Variants in POLQ observed in about 807,000 individuals in gnomAD.
POLQ encodes epididymis secretory sperm binding protein.
Under a neutral mutation model 259.2 loss-of-function variants are expected in POLQ, and 233 were observed. The observed-to-expected ratio is 0.90, with a 90% CI of 0.81 to 1.00. The LOEUF (loss-of-function observed/expected upper bound fraction) is 1.00, where lower values mean the gene tolerates loss of function less well. Ranked by LOEUF, POLQ falls within the 50% of genes least tolerant of loss-of-function variation. The pLI is 0.00. For synonymous variants in POLQ, 1,025 were observed against 1,048.8 expected, an observed-to-expected ratio of 0.98 and a Z score of 0.44; for missense variants, 2,871 against 3,051.6, an observed-to-expected ratio of 0.94 and a Z score of 1.39.
At chr3:121,433,319 T>G (rs1316635355) in intron 28 of POLQ, among the ~76,000 whole-genome samples, 1 of 152,192 alleles carries the variant, frequency 6.6e-6, no homozygotes, top group Non-Finnish European at 1.5e-5. Flanking sequence ...CATGAATAAC[T>G]AACATTTTCT....
At chr3:121,520,536 C>A (rs2048329922) in intron 8 of POLQ, among the ~76,000 whole-genome samples, 2 of 151,920 alleles carry the variant, frequency 1.3e-5, no homozygotes, top group Admixed American at 6.6e-5. Flanking sequence ...AAAACAACAA[C>A]AACAATAACA....
At position 121,487,614 on chromosome 3, in the gene POLQ, A is replaced by C; in HGVS notation, c.5317T>G (p.Leu1773Val). 6.2e-7 allele frequency: 1 copy of C among 1,614,000 alleles called. No individual in the cohort carries two copies. Among genetic ancestry groups the C allele is most frequent in the Non-Finnish European group, 8.5e-7 (1 of 1,179,948 alleles). ...TTAATATCTGAAGGTGAGCCAAATAAATAACTTTCACCAGGTTGTAAAACA... is the reference window on the plus strand; with the variant it reads ...TTAATATCTGAAGGTGAGCCAAATACATAACTTTCACCAGGTTGTAAAACA... Reference protein sequence around the residue: ...NNVLQPGESYLFGSPSDIKNH... With the variant: ...NNVLQPGESYVFGSPSDIKNH... The change falls in exon 16 of 30, where the codon TTA becomes GTA. Residue 1773 changes from leucine (L) to valine (V), a missense_variant. Around this residue, in one of 3 missense-constraint regions of POLQ, gnomAD observed 2,080 missense variants for 2,126.0 expected, o/e 0.98. Coordinates refer to ENST00000264233, the MANE Select transcript of POLQ (RefSeq NM_199420.4).
rs1267107305 is a variant in POLQ, at chr3:121,481,692, T to C, written c.6091A>G (p.Ser2031Gly). 1 of 1,614,030 alleles carries C rather than the reference T, an allele frequency of 6.2e-7. No individual in the cohort carries two copies. Among genetic ancestry groups the C allele is most frequent in the African/African-American group, 1.3e-5 (1 of 74,920 alleles). ...TCACTGCCAGCATTTAGCCCCAGGC[T>C]TTGAATCCCTTGGCTGGTCTCCATC... is the stretch of plus-strand genomic sequence containing the variant. Reference protein sequence around the residue: ...EGMETSQGIQSLGLNAGSEHS... With the variant: ...EGMETSQGIQGLGLNAGSEHS... Residue 2031 changes from serine to glycine, a missense_variant, in exon 19 of 30, where the codon AGC becomes GGC. Ser to Gly is a moderately conservative substitution (Grantham distance 56). Coordinates refer to ENST00000264233, the MANE Select transcript of POLQ (RefSeq NM_199420.4).
intron 4 of POLQ, among the ~76,000 whole-genome samples, chr3:121,539,089 C>A (rs2048470643): frequency 6.6e-6 from 1 of 152,148 alleles, no homozygotes; most frequent in South Asian, 2.1e-4. Context: ...ATAACAAAAA[C>A]CCATATACAC....
intron 12 of POLQ, among the ~76,000 whole-genome samples, chr3:121,501,766 A>C (rs2048171973): frequency 6.6e-6 from 1 of 150,964 alleles, no homozygotes; most frequent in Non-Finnish European, 1.5e-5. Flanking sequence ...GGTTTGGATC[A>C]CTTGAGGTCA....
intron 9 of POLQ, among the ~76,000 whole-genome samples, chr3:121,513,185 G>A (rs963821354): frequency 1.3e-5 from 2 of 152,056 alleles, no homozygotes; most frequent in Non-Finnish European, 2.9e-5. Context: ...GAGGCAAAGA[G>A]AAGGTACAGA....
rs1347163698 is a variant in POLQ, at chr3:121,487,922, C to A, written c.5009G>T (p.Arg1670Ile). 6.2e-7 allele frequency: 1 copy of A among 1,602,236 alleles called. No homozygotes were observed. The highest frequency in any genetic ancestry group is 1.4e-5 in the African/African-American group (1 of 74,014). ...SMTINFSSLN[R>I]KNTELNEEQE... ...TTCTTCATTTAACTCTGTATTTTTTCTATTCAAACTGGAAAAGTTTATAGT... is the reference window on the plus strand; with the variant it reads ...TTCTTCATTTAACTCTGTATTTTTTATATTCAAACTGGAAAAGTTTATAGT... The change falls in exon 16 of 30, where the codon AGA (arginine) becomes ATA (isoleucine). Residue 1670 changes from arginine (R) to isoleucine (I), a missense_variant. By Grantham distance (97) the Arg-to-Ile change is moderately conservative. Transcript: ENST00000264233.
Position 121,488,529 on chromosome 3 carries a change from G to A in POLQ, c.4402C>T (p.Pro1468Ser), listed in dbSNP as rs200380748. Reference protein sequence around the residue: ...VILLIPQKRTPTGVEGECLPV... With the variant: ...VILLIPQKRTSTGVEGECLPV... ...AGACATTCTCCTTCTACACCAGTGG[G>A]AGTTCTCTTTTGAGGAATCAGAAGT... Residue 1468 changes from proline (P) to serine (S), a missense_variant, in exon 16 of 30, where the codon CCC becomes TCC. By Grantham distance (74) the Pro-to-Ser change is moderately conservative. This residue lies in a region of POLQ where 2,080 missense variants were observed against 2,126.0 expected (regional missense o/e 0.98). Transcript: ENST00000264233. 35 of 1,611,020 alleles carry A rather than the reference G, an allele frequency of 2.2e-5. No individual in the cohort carries two copies. The highest frequency in any genetic ancestry group is 3.3e-4 in the Middle Eastern group (2 of 6,044).
chr3:121,521,687 C>T (rs1271183768), intron 8 of POLQ: 1 of 160,456 alleles, frequency 6.2e-6, no homozygotes, highest in African/African-American at 2.4e-5. Context: ...CTCCCTGCCT[C>T]AGCCTCCTGA....
At chr3:121,470,581 G>A (rs1342240161) in intron 22 of POLQ, among the ~76,000 whole-genome samples, 2 of 152,052 alleles carry the variant, frequency 1.3e-5, no homozygotes, top group Non-Finnish European at 2.9e-5. Context: ...TTACCAGGTG[G>A]GGTGAGACTG....
chr3:121,452,479 T>G (rs1466004541), intron 25 of POLQ, among the ~76,000 whole-genome samples: 1 of 142,140 alleles, frequency 7.0e-6, no homozygotes, highest in Non-Finnish European at 1.5e-5. Context: ...CACCTTTTTT[T>G]TGTTGTTACT....
chr3:121,438,684 T>C (rs1008326409), intron 27 of POLQ, among the ~76,000 whole-genome samples: 2 of 152,222 alleles, frequency 1.3e-5, no homozygotes, highest in African/African-American at 4.8e-5. Context: ...TCCTTCTCCC[T>C]GAAACCTAAA....
chr3:121,490,010 T>C lies in POLQ; in HGVS notation c.2921A>G (p.Gln974Arg), dbSNP rs769987554. The change falls in exon 16 of 30, where the codon CAG (glutamine) becomes CGG (arginine). Residue 974 changes from glutamine (Q) to arginine (R), a missense_variant. Physicochemically the swap from Gln to Arg is conservative, Grantham distance 43. Around this residue, in one of 3 missense-constraint regions of POLQ, gnomAD observed 2,080 missense variants for 2,126.0 expected, o/e 0.98. Transcript: ENST00000264233. ...TGTCTGATGTTCTTGATTCCCATTC[T>C]GGAAATTACAATTAAAGGAACTTGT... The part of the protein sequence containing the change: ...EHTSSFNCNF[Q>R]NGNQEHQTCS... The C allele has an allele frequency of 1.5e-5, 24 of 1,579,252 alleles. No individual in the cohort carries two copies. Among genetic ancestry groups the C allele is most frequent in the Non-Finnish European group, 2.1e-5 (24 of 1,169,794 alleles).
At chr3:121,494,155 C>A in intron 14 of POLQ, 2 of 932,548 alleles carry the variant, frequency 2.1e-6, no homozygotes, top group Non-Finnish European at 3.4e-6. Flanking sequence ...GGCTCCGGCC[C>A]CTGCTGTCGT....
intron 24 of POLQ, among the ~76,000 whole-genome samples, chr3:121,463,941 G>A (rs1273997573): frequency 4.6e-5 from 7 of 152,086 alleles, no homozygotes; most frequent in African/African-American, 1.7e-4. Context: ...CTTAAGAACT[G>A]TTGAAAATTT....
chr3:121,460,018 T>A (rs963516994), intron 25 of POLQ, 32 bp downstream of exon 25: 2 of 1,518,994 alleles, frequency 1.3e-6, no homozygotes, highest in African/African-American at 2.8e-5. Context: ...TAAATTCTTC[T>A]CCTTTATATT....
chr3:121,511,458 C>G (rs753435251), intron 10 of POLQ, among the ~76,000 whole-genome samples: 1 of 151,854 alleles, frequency 6.6e-6, no homozygotes, highest in African/African-American at 2.4e-5. Flanking sequence ...GATAACACAG[C>G]GAGACTCCAT....
chr3:121,508,032 T>TTG (rs1553816496), intron 12 of POLQ, among the ~76,000 whole-genome samples: 30 of 151,160 alleles, frequency 2.0e-4, no homozygotes, highest in African/African-American at 6.3e-4. Context: ...TTTTTTTTTT[T>TTG]TTTGTTTGGT....
At chr3:121,525,170 T>G (rs989210285) in intron 7 of POLQ, among the ~76,000 whole-genome samples, 1 of 151,896 alleles carries the variant, frequency 6.6e-6, no homozygotes, top group East Asian at 1.9e-4. Flanking sequence ...TGAAACCCCG[T>G]CTCTACTAAA....
Sources: allele counts gnomAD v4.1 joint callset (sites outside exome capture counted in the v4.1 genomes callset), GRCh38; gene constraint gnomAD v4.1.1; regional missense constraint gnomAD v4.1.1; transcripts MANE v1.5; gene names NCBI Gene and HGNC (gene_info 2026-07-23, HGNC 2026-07-21).